GAK: variants seen among roughly 807,000 people sequenced by gnomAD.
GAK encodes cyclin G associated kinase.
A neutral mutation model predicts 143.9 loss-of-function variants in GAK; 79 were observed. That is an observed-to-expected ratio of 0.55 (90% CI 0.46 to 0.66). GAK has a LOEUF of 0.66. Among genes scored for constraint, GAK ranks in the 30% least tolerant of loss-of-function variants. The pLI is 0.00. For missense variants in GAK, 1,693 were observed against 1,779.7 expected, an observed-to-expected ratio of 0.95 and a Z score of 0.88; for synonymous variants, 881 against 765.5, an observed-to-expected ratio of 1.15 and a Z score of -2.49.
chr4:887,472 G>C (rs534799755), intron 11 of GAK: 1 of 145,944 alleles, frequency 6.9e-6, no homozygotes, highest in African/African-American at 2.6e-5. Flanking sequence ...CGCAGCTCAC[G>C]CACACAGGCA....
chr4:883,267 G>A (rs368739739), intron 13 of GAK, 48 bp downstream of exon 13: 50 of 1,598,852 alleles, frequency 3.1e-5, no homozygotes, highest in Middle Eastern at 3.4e-4. Flanking sequence ...GCACTGGAGC[G>A]GAAGGAAGCT....
intron 11 of GAK, chr4:887,469 C>A (rs567794556): frequency 6.6e-6 from 1 of 150,820 alleles, no homozygotes; most frequent in East Asian, 2.0e-4. Flanking sequence ...GCACGCAGCT[C>A]ACGCACACAG....
intron 15 of GAK, among the ~76,000 whole-genome samples, chr4:879,979 TG>T (rs546800669): frequency 7.7e-4 from 117 of 152,374 alleles, no homozygotes; most frequent in African/African-American, 2.8e-3. Context: ...TCCACGGCTC[TG>T]AAGAGTGGCC....
intron 20 of GAK, 32 bp downstream of exon 20, chr4:868,507 T>G (rs1368595310): frequency 3.8e-6 from 6 of 1,594,966 alleles, no homozygotes; most frequent in Non-Finnish European, 5.1e-6. Flanking sequence ...GCCTGCCCTC[T>G]GCAAGTGGCC....
chr4:893,891 A>G lies in GAK; in HGVS notation c.860T>C (p.Val287Ala), dbSNP rs1273000164. Residue 287 changes from valine (V) to alanine (A), a missense_variant, in exon 8 of 28, where the codon GTC becomes GCC. Transcript: ENST00000314167. ...GGACTTACGGATGAGGCTGTGGAAGACCGTGTACTGCGTGTCGTGCGGGGG... is the reference window on the plus strand; with the variant it reads ...GGACTTACGGATGAGGCTGTGGAAGGCCGTGTACTGCGTGTCGTGCGGGGG... ...SIPPHDTQYT[V>A]FHSLIRAMLQ... 6.2e-7 allele frequency: 1 copy of G among 1,604,616 alleles called. No individual in the cohort carries two copies. Among genetic ancestry groups the G allele is most frequent in the Non-Finnish European group, 8.5e-7 (1 of 1,175,250 alleles).
chr4:928,617 C>G (rs545177706), intron 1 of GAK, among the ~76,000 whole-genome samples: 299 of 152,310 alleles, frequency 2.0e-3, no homozygotes, highest in Non-Finnish European at 2.0e-3. Context: ...ACCTTGGAGA[C>G]ATGGGGCCTT....
intron 7 of GAK, among the ~76,000 whole-genome samples, 157 bp downstream of exon 7, chr4:896,303 T>C (rs1346971257): frequency 6.6e-6 from 1 of 151,728 alleles, no homozygotes; most frequent in Non-Finnish European, 1.5e-5. Context: ...GCAGCCACAG[T>C]GATTCTTAAG....
chr4:888,576 G>A (rs1717011641), intron 11 of GAK: 2 of 459,146 alleles, frequency 4.4e-6, no homozygotes, highest in Non-Finnish European at 7.8e-6. Context: ...AGAGTGAGGG[G>A]CGACATTGCA....
intron 22 of GAK, among the ~76,000 whole-genome samples, chr4:865,912 C>G (rs1246715848): frequency 6.6e-6 from 1 of 152,262 alleles, no homozygotes; most frequent in Admixed American, 6.5e-5. Flanking sequence ...GCCCCGGCGC[C>G]TGACCTCCTC....
chr4:890,200 G>A lies in GAK; in HGVS notation c.1081+332C>T, dbSNP rs76438822. 6.6e-3 allele frequency among the ~76,000 whole-genome samples: 1,005 copies of A among 152,308 alleles called. 16 individuals carry two copies. The highest frequency in any genetic ancestry group is 0.055 in the East Asian group (285 of 5,156). Reference sequence around the variant, plus strand: ...TGCTGGGGTCTTGGCCACGGCGCAGGCTGCCTCCCACATAACCCCTGAGCG... The same window carrying A: ...TGCTGGGGTCTTGGCCACGGCGCAGACTGCCTCCCACATAACCCCTGAGCG... On this transcript the variant is annotated intron_variant, in intron 10 of 27. Coordinates refer to ENST00000314167, the MANE Select transcript of GAK (RefSeq NM_005255.4).
At chr4:884,337 G>C in intron 11 of GAK, 1 of 511,998 alleles carries the variant, frequency 2.0e-6, no homozygotes, top group South Asian at 2.2e-5. Flanking sequence ...GGGTGAGACA[G>C]GAGAGACATC....
chr4:893,801 G>T, intron 8 of GAK, 73 bp downstream of exon 8: 1 of 1,481,700 alleles, frequency 6.7e-7, no homozygotes, highest in South Asian at 1.4e-5. Flanking sequence ...CCCAAGGGGA[G>T]CGGGGTCTCC....
intron 5 of GAK, among the ~76,000 whole-genome samples, chr4:902,607 A>AAAAAAAAAAAAAC (rs1720125897): frequency 1.3e-5 from 2 of 150,480 alleles, no homozygotes; most frequent in African/African-American, 4.9e-5. Context: ...AAAAAAAAAA[A>AAAAAAAAAAAAAC]AAAAAAACCC....
At chr4:926,210 C>T (rs1280691911) in intron 1 of GAK, among the ~76,000 whole-genome samples, 1 of 152,180 alleles carries the variant, frequency 6.6e-6, no homozygotes, top group Non-Finnish European at 1.5e-5. Flanking sequence ...TGGGGTCCTC[C>T]CCAAGAGTGA....
chr4:915,979 A>G (rs1026725942), intron 1 of GAK, among the ~76,000 whole-genome samples: 5 of 152,252 alleles, frequency 3.3e-5, no homozygotes, highest in African/African-American at 1.2e-4. Flanking sequence ...TCTACTAAAG[A>G]AAAGCTACCA....
At chr4:909,336 T>C (rs187104169) in intron 4 of GAK, among the ~76,000 whole-genome samples, 2 of 152,164 alleles carry the variant, frequency 1.3e-5, no homozygotes, top group Non-Finnish European at 2.9e-5. Context: ...GGTGTCAGAG[T>C]CCAGGGACAT....
chr4:882,773 G>A lies in GAK; in HGVS notation c.1451C>T (p.Thr484Ile). ...WAARRAPHLH[T>I]LYNICRNMHA... ...CATGTTCCTGCAGATGTTGTACAGGGTGTGCAGGTGTGGGGCCCGCCGTGC... is the reference window on the plus strand; with the variant it reads ...CATGTTCCTGCAGATGTTGTACAGGATGTGCAGGTGTGGGGCCCGCCGTGC... The change falls in exon 14 of 28, where the codon ACC becomes ATC. Residue 484 changes from threonine to isoleucine, a missense_variant. By Grantham distance (89) the Thr-to-Ile change is moderately conservative (BLOSUM62 -1). Around this residue, in one of 2 missense-constraint regions of GAK, gnomAD observed 871 missense variants for 991.0 expected, o/e 0.88. Coordinates refer to ENST00000314167, the MANE Select transcript of GAK (RefSeq NM_005255.4). 2 of 1,611,532 alleles carry A rather than the reference G, an allele frequency of 1.2e-6. No homozygotes were observed. The highest frequency in any genetic ancestry group is 8.5e-7 in the Non-Finnish European group (1 of 1,179,942).
At chr4:900,780 C>G (rs766361174) in intron 5 of GAK, among the ~76,000 whole-genome samples, 1 of 151,958 alleles carries the variant, frequency 6.6e-6, no homozygotes, top group South Asian at 2.1e-4. Flanking sequence ...GCAGAATGTA[C>G]TTTTAGAAAA....
At chr4:928,733 C>T (rs1233371903) in intron 1 of GAK, among the ~76,000 whole-genome samples, 3 of 152,160 alleles carry the variant, frequency 2.0e-5, no homozygotes, top group Non-Finnish European at 4.4e-5. Flanking sequence ...ATTCACAGTG[C>T]CCTCACCCAG....
Sources: allele counts gnomAD v4.1 joint callset (sites outside exome capture counted in the v4.1 genomes callset), GRCh38; gene constraint gnomAD v4.1.1; regional missense constraint gnomAD v4.1.1; transcripts MANE v1.5; gene names NCBI Gene and HGNC (gene_info 2026-07-23, HGNC 2026-07-21).